The following LPP variants were observed in gnomAD, a reference collection of about 807,000 sequenced individuals.
LPP encodes LIM domain containing preferred translocation partner in lipoma.
Under a neutral mutation model 60.4 loss-of-function variants are expected in LPP, and 38 were observed. The observed-to-expected ratio is 0.63, with a 90% CI of 0.49 to 0.83. The LOEUF (loss-of-function observed/expected upper bound fraction) is 0.83, where lower values mean the gene tolerates loss of function less well. LPP is among the 40% of genes least tolerant of loss of function. The pLI is 0.00. For missense variants in LPP, 902 were observed against 783.6 expected (o/e 1.15, Z -1.80); for synonymous variants, 328 against 290.8 (o/e 1.13, Z -1.30).
At chr3:188,638,817 AG>A (rs1196630965) in intron 7 of LPP, among the ~76,000 whole-genome samples, 3 of 148,304 alleles carry the variant, frequency 2.0e-5, no homozygotes, top group African/African-American at 7.5e-5. Context: ...AGGGATGTGA[AG>A]GACCTCTTCA....
At chr3:188,248,494 A>G (rs188321793) in intron 2 of LPP, among the ~76,000 whole-genome samples, 16 of 139,810 alleles carry the variant, frequency 1.1e-4, no homozygotes, top group African/African-American at 1.9e-4. Context: ...ATATATATAT[A>G]TATACAGTCA....
chr3:188,581,411 A>G (rs559182391), intron 6 of LPP, among the ~76,000 whole-genome samples: 2 of 152,316 alleles, frequency 1.3e-5, no homozygotes, highest in African/African-American at 4.8e-5. Flanking sequence ...TATTAGTTTT[A>G]AATACAGAGT....
At chr3:188,459,172 G>A (rs575451740) in intron 4 of LPP, among the ~76,000 whole-genome samples, 73 of 152,170 alleles carry the variant, frequency 4.8e-4, no homozygotes, top group Middle Eastern at 3.4e-3. Flanking sequence ...GTTTATTATA[G>A]CTAATACTTC....
chr3:188,372,694 G>GTT (rs1237807246), intron 3 of LPP, among the ~76,000 whole-genome samples: 2 of 139,204 alleles, frequency 1.4e-5, no homozygotes, highest in African/African-American at 2.6e-5. Flanking sequence ...GCTTCTTTTT[G>GTT]TTTTTTTTTT....
At chr3:188,171,901 C>T (rs144613711) in intron 1 of LPP, among the ~76,000 whole-genome samples, 1 of 152,152 alleles carries the variant, frequency 6.6e-6, no homozygotes, top group African/African-American at 2.4e-5. Flanking sequence ...ACTGACACTT[C>T]AGGGATGAAA....
Position 188,335,907 on chromosome 3 carries a change from G to A in LPP, c.-66-5756G>A, listed in dbSNP as rs1221416655. On this transcript the variant is annotated intron_variant, in intron 2 of 11. Coordinates refer to ENST00000617246, the MANE Select transcript of LPP (RefSeq NM_001375462.1). ...AAAAAAGACTTCCGCTTGCAATTAG[G>A]GTTGGTGTTACAGTTGGGAGGGGTG... 2.0e-5 allele frequency among the ~76,000 whole-genome samples: 3 copies of A among 152,124 alleles called. No homozygotes were observed. The East Asian group carries it at 5.8e-4, about 29-fold the overall frequency.
At chr3:188,724,303 G>A (rs140851246) in intron 8 of LPP, among the ~76,000 whole-genome samples, 4 of 152,154 alleles carry the variant, frequency 2.6e-5, no homozygotes, top group African/African-American at 9.7e-5. Context: ...ATAGATTTCA[G>A]AAAATGAGCT....
At chr3:188,845,865 T>C (rs996697693) in intron 9 of LPP, among the ~76,000 whole-genome samples, 4 of 152,226 alleles carry the variant, frequency 2.6e-5, no homozygotes, top group Non-Finnish European at 5.9e-5. Context: ...AGAGGTTATT[T>C]AGTTTCTTAG....
chr3:188,221,324 A>G (rs1175135512), intron 1 of LPP, among the ~76,000 whole-genome samples: 1 of 152,176 alleles, frequency 6.6e-6, no homozygotes, highest in Non-Finnish European at 1.5e-5. Flanking sequence ...AGGACGTTGC[A>G]TGTACTCGTG....
chr3:188,820,353 A>G (rs1030837001), intron 9 of LPP, among the ~76,000 whole-genome samples: 5 of 152,176 alleles, frequency 3.3e-5, no homozygotes, highest in Non-Finnish European at 5.9e-5. Context: ...CTCAGGCTGA[A>G]AATGTCAAGT....
chr3:188,207,203 A>G (rs1733477883), intron 1 of LPP, among the ~76,000 whole-genome samples: 1 of 143,450 alleles, frequency 7.0e-6, no homozygotes. Flanking sequence ...CTAGTGACCT[A>G]CACATTTTCT....
intron 2 of LPP, among the ~76,000 whole-genome samples, chr3:188,323,613 T>C (rs916058910): frequency 1.3e-5 from 2 of 152,218 alleles, no homozygotes; most frequent in African/African-American, 2.4e-5. Flanking sequence ...AACACTCAAG[T>C]TGCATTCTCC....
intron 5 of LPP, among the ~76,000 whole-genome samples, chr3:188,500,931 T>C (rs1811647535): frequency 6.6e-6 from 1 of 152,068 alleles, no homozygotes; most frequent in Non-Finnish European, 1.5e-5. Flanking sequence ...GAGTCTTCTC[T>C]CTCTGTCTCT....
intron 7 of LPP, among the ~76,000 whole-genome samples, chr3:188,630,396 A>T (rs1469404400): frequency 2.0e-5 from 3 of 152,210 alleles, no homozygotes; most frequent in Non-Finnish European, 2.9e-5. Flanking sequence ...AGACAAATGC[A>T]AATCAAAAAC....
chr3:188,495,838 A>G (rs1810030243), intron 5 of LPP, among the ~76,000 whole-genome samples: 3 of 152,222 alleles, frequency 2.0e-5, no homozygotes, highest in Admixed American at 2.0e-4. Flanking sequence ...GAAAGGGAGT[A>G]GAGGATGCTG....
At chr3:188,647,532 A>T (rs955284299) in intron 7 of LPP, among the ~76,000 whole-genome samples, 1 of 152,184 alleles carries the variant, frequency 6.6e-6, no homozygotes, top group Admixed American at 6.5e-5. Flanking sequence ...TCCAAGGTTA[A>T]GAAAGCTTTC....
At position 188,239,306 on chromosome 3, in the gene LPP, G is replaced by T. The variant is rs115018326; in HGVS notation, c.-67+13779G>T. 1.1e-4 allele frequency among the ~76,000 whole-genome samples: 17 copies of T among 152,198 alleles called. No homozygotes were observed. The South Asian group carries it at 3.5e-3, about 32-fold the overall frequency. On this transcript the variant is annotated intron_variant, in intron 2 of 11. Transcript: ENST00000617246. ...CCACATGCAAATATGGCCTTTTTGC[G>T]GATGAATTTAATACAGTTGTTGCTT...
chr3:188,560,343 C>T (rs1204693263), intron 6 of LPP, among the ~76,000 whole-genome samples: 1 of 152,100 alleles, frequency 6.6e-6, no homozygotes, highest in Non-Finnish European at 1.5e-5. Flanking sequence ...ACTTGGGATT[C>T]TATGCAATTC....
intron 2 of LPP, among the ~76,000 whole-genome samples, chr3:188,262,068 G>C (rs1336635013): frequency 6.6e-6 from 1 of 152,206 alleles, no homozygotes; most frequent in Non-Finnish European, 1.5e-5. Context: ...ACATGCTGGG[G>C]TTGACGAATG....
Sources: allele counts gnomAD v4.1 joint callset (sites outside exome capture counted in the v4.1 genomes callset), GRCh38; gene constraint gnomAD v4.1.1; transcripts MANE v1.5; gene names NCBI Gene and HGNC (gene_info 2026-07-23, HGNC 2026-07-21).